The following THSD7A variants were observed in gnomAD, a reference collection of about 807,000 sequenced individuals.
THSD7A encodes thrombospondin type 1 domain containing 7A, also known as thrombospondin type-1 domain-containing protein 7A.
THSD7A carries 96 observed loss-of-function variants against 231.3 expected under a neutral mutation model. The ratio of observed to expected loss-of-function variants is 0.41; its 90% CI spans 0.35 to 0.49. The LOEUF is 0.49. THSD7A is among the 20% of genes least tolerant of loss of function. The pLI is 0.05. For missense variants in THSD7A, 2,290 were observed against 2,070.2 expected, an observed-to-expected ratio of 1.11 and a Z score of -2.06; for synonymous variants, 940 against 743.3, an observed-to-expected ratio of 1.26 and a Z score of -4.30.
intron 2 of THSD7A, among the ~76,000 whole-genome samples, chr7:11,601,153 A>G (rs1389800333): frequency 1.3e-5 from 2 of 152,116 alleles, no homozygotes; most frequent in Non-Finnish European, 2.9e-5. Flanking sequence ...CTTTAGATAC[A>G]TTTCTTATTC....
chr7:11,409,160 A>G (rs764247005), intron 19 of THSD7A, among the ~76,000 whole-genome samples: 1 of 152,236 alleles, frequency 6.6e-6, no homozygotes, highest in Non-Finnish European at 1.5e-5. Context: ...GAAAAAACCA[A>G]TTACTAGGTA....
chr7:11,557,348 GA>G (rs1789889970), intron 4 of THSD7A, among the ~76,000 whole-genome samples: 1 of 151,972 alleles, frequency 6.6e-6, no homozygotes, highest in Non-Finnish European at 1.5e-5. Context: ...TTAATTTGCT[GA>G]AGATTTCTAT....
chr7:11,807,041 C>T (rs1784417019), intron 1 of THSD7A, among the ~76,000 whole-genome samples: 1 of 151,892 alleles, frequency 6.6e-6, no homozygotes, highest in African/African-American at 2.4e-5. Flanking sequence ...TCTCACTTGT[C>T]TTATTTAATA....
chr7:11,599,155 A>G (rs1234073002), intron 2 of THSD7A, among the ~76,000 whole-genome samples: 1 of 152,194 alleles, frequency 6.6e-6, no homozygotes, highest in East Asian at 1.9e-4. Context: ...TATGCATGGA[A>G]TACAGGAGAT....
At chr7:11,380,264 C>G (rs1782459387) in intron 24 of THSD7A, among the ~76,000 whole-genome samples, 1 of 151,928 alleles carries the variant, frequency 6.6e-6, no homozygotes, top group Non-Finnish European at 1.5e-5. Flanking sequence ...ATTTGTTTTG[C>G]ACTATGGTTT....
intron 6 of THSD7A, among the ~76,000 whole-genome samples, chr7:11,498,839 C>T (rs1043079539): frequency 1.2e-4 from 19 of 152,016 alleles, no homozygotes; most frequent in African/African-American, 3.1e-4. Flanking sequence ...CCAGAAAATC[C>T]GAGGTGACTA....
intron 2 of THSD7A, among the ~76,000 whole-genome samples, chr7:11,630,860 G>C (rs1046038782): frequency 2.0e-5 from 3 of 152,214 alleles, no homozygotes; most frequent in Admixed American, 2.0e-4. Flanking sequence ...CATTTGAGGA[G>C]AAGGTGAGCT....
chr7:11,706,630 C>CTTTTTTTTTTTTTTTTTTTTTTTTTTTT (rs66964252), intron 1 of THSD7A, among the ~76,000 whole-genome samples: 4 of 66,390 alleles, frequency 6.0e-5, no homozygotes, highest in African/African-American at 1.9e-4. Context: ...TAACAAGGTG[C>CTTTTTTTTTTTTTTTTTTTTTTTTTTTT]TTTTTTTTTT....
At chr7:11,478,167 A>G (rs747417893) in intron 7 of THSD7A, among the ~76,000 whole-genome samples, 4 of 152,156 alleles carry the variant, frequency 2.6e-5, no homozygotes, top group Admixed American at 6.5e-5. Context: ...TACCCACAAG[A>G]TATCTTCATT....
In THSD7A at chr7:11,550,642, G is replaced by A. The variant is rs141952616; in HGVS notation, c.1454-7525C>T. ...GTAAGTTTCTTGAGGCCTTCCCAGC[G>A]ATGTGGAACTGTGAGTCTATTAAAC... On this transcript the variant is annotated intron_variant, in intron 4 of 27. Transcript: ENST00000423059. 2.1e-4 allele frequency among the ~76,000 whole-genome samples: 32 copies of A among 152,176 alleles called. No individual in the cohort carries two copies. In the East Asian group the frequency reaches 5.2e-3, roughly 25 times the overall value.
chr7:11,786,759 TAAAAA>T (rs58923353), intron 1 of THSD7A, among the ~76,000 whole-genome samples: 1 of 108,652 alleles, frequency 9.2e-6, no homozygotes, highest in Non-Finnish European at 2.0e-5. Flanking sequence ...AGTATAATAA[TAAAAA>T]AAAAAAAAAA....
intron 11 of THSD7A, among the ~76,000 whole-genome samples, chr7:11,456,376 C>A (rs959943271): frequency 1.3e-5 from 2 of 151,954 alleles, no homozygotes; most frequent in Non-Finnish European, 2.9e-5. Context: ...TTCCTAACCT[C>A]CCCCAAAAAG....
At chr7:11,420,616 CCACA>C (rs1174259061) in intron 16 of THSD7A, among the ~76,000 whole-genome samples, 1 of 152,170 alleles carries the variant, frequency 6.6e-6, no homozygotes, top group Non-Finnish European at 1.5e-5. Flanking sequence ...TTGGGCCCCC[CCACA>C]CAGAGTCCCC....
At chr7:11,427,590 A>T (rs1205549616) in intron 14 of THSD7A, among the ~76,000 whole-genome samples, 1 of 152,174 alleles carries the variant, frequency 6.6e-6, no homozygotes, top group Non-Finnish European at 1.5e-5. Context: ...CTGGGTGTAC[A>T]CATACACGCT....
intron 1 of THSD7A, among the ~76,000 whole-genome samples, chr7:11,665,893 T>C (rs957951913): frequency 7.2e-5 from 11 of 152,092 alleles, no homozygotes; most frequent in African/African-American, 2.7e-4. Context: ...AAAGACAACA[T>C]ATAGTAATGT....
intron 11 of THSD7A, among the ~76,000 whole-genome samples, chr7:11,448,506 G>A (rs949059493): frequency 3.9e-5 from 6 of 152,042 alleles, no homozygotes; most frequent in African/African-American, 7.2e-5. Context: ...TGAAACTGCC[G>A]CTGATCTCTG....
intron 4 of THSD7A, among the ~76,000 whole-genome samples, chr7:11,562,214 TG>T (rs1355726326): frequency 2.0e-5 from 3 of 152,226 alleles, no homozygotes; most frequent in African/African-American, 7.2e-5. Flanking sequence ...AAATCATTTT[TG>T]TTCTAAGGCT....
intron 1 of THSD7A, among the ~76,000 whole-genome samples, chr7:11,739,773 T>C (rs1782043388): frequency 6.6e-6 from 1 of 151,838 alleles, no homozygotes; most frequent in Admixed American, 6.6e-5. Context: ...CTACTTTTCT[T>C]CTTACACCTG....
At chr7:11,550,110 C>T (rs983887562) in intron 4 of THSD7A, among the ~76,000 whole-genome samples, 1 of 151,964 alleles carries the variant, frequency 6.6e-6, no homozygotes, top group African/African-American at 2.4e-5. Context: ...CCCAAAGGCT[C>T]CCAGACCTGA....
Sources: allele counts gnomAD v4.1 joint callset (sites outside exome capture counted in the v4.1 genomes callset), GRCh38; gene constraint gnomAD v4.1.1; transcripts MANE v1.5; gene names NCBI Gene and HGNC (gene_info 2026-07-23, HGNC 2026-07-21).